Variants in CDK14 observed in about 807,000 individuals in gnomAD.
CDK14 encodes the protein cyclin dependent kinase 14, also known as cyclin-dependent kinase 14.
In CDK14, 34 loss-of-function variants were observed where a neutral mutation model predicts 60.7. That is an observed-to-expected ratio of 0.56 (90% CI 0.43 to 0.75). The LOEUF (loss-of-function observed/expected upper bound fraction) is 0.75. CDK14 is among the 30% of genes least tolerant of loss of function. The pLI is 0.00. For synonymous variants in CDK14, 197 were observed against 203.7 expected (o/e 0.97, Z 0.28); for missense variants, 482 against 564.1 (o/e 0.85, Z 1.47).
chr7:90,681,462 C>A (rs532506138), intron 2 of CDK14, among the ~76,000 whole-genome samples: 1 of 152,244 alleles, frequency 6.6e-6, no homozygotes, highest in South Asian at 2.1e-4. Context: ...TGAACGGGTC[C>A]TTTACATTCT....
intron 7 of CDK14, among the ~76,000 whole-genome samples, chr7:90,914,612 T>G (rs573100921): frequency 1.3e-5 from 2 of 152,226 alleles, no homozygotes; most frequent in Admixed American, 6.5e-5. Flanking sequence ...TAATTTGTCA[T>G]GTATACACTT....
At chr7:90,796,534 G>A (rs1237797963) in intron 5 of CDK14, among the ~76,000 whole-genome samples, 4 of 152,024 alleles carry the variant, frequency 2.6e-5, no homozygotes, top group South Asian at 2.1e-4. Flanking sequence ...GCTGTTATCC[G>A]ATATAATCTT....
At position 90,624,084 on chromosome 7, in the gene CDK14, G is replaced by A. The variant is rs745753349; in HGVS notation, c.123+19835G>A. On this transcript the variant is annotated intron_variant, in intron 2 of 14. Transcript: ENST00000380050. ...AACAAAACAGCCCTGTGAAGGAGTGGACATGTAGTTTCATCTCTGTTTTGT... is the reference window on the plus strand; with the variant it reads ...AACAAAACAGCCCTGTGAAGGAGTGAACATGTAGTTTCATCTCTGTTTTGT... 4.4e-4 allele frequency among the ~76,000 whole-genome samples: 67 copies of A among 152,166 alleles called. 1 individual carries two copies. The highest frequency in any genetic ancestry group is 8.8e-4 in the Non-Finnish European group (60 of 68,040).
chr7:90,604,470 G>T (rs1209037276), intron 2 of CDK14, among the ~76,000 whole-genome samples: 1 of 152,216 alleles, frequency 6.6e-6, no homozygotes, highest in African/African-American at 2.4e-5. Context: ...TAATAAATGA[G>T]CTAATTAGAA....
intron 9 of CDK14, among the ~76,000 whole-genome samples, chr7:90,982,657 G>A (rs753214425): frequency 1.2e-4 from 19 of 152,144 alleles, no homozygotes; most frequent in Non-Finnish European, 2.6e-4. Context: ...TATACATCAG[G>A]CTAAGGACTT....
At chr7:90,837,255 A>G (rs955303456) in intron 5 of CDK14, among the ~76,000 whole-genome samples, 4 of 152,014 alleles carry the variant, frequency 2.6e-5, no homozygotes, top group African/African-American at 4.8e-5. Context: ...ACACTTCTGC[A>G]AAATATTTTA....
chr7:91,047,561 T>C (rs1285162886), intron 11 of CDK14, among the ~76,000 whole-genome samples: 1 of 152,236 alleles, frequency 6.6e-6, no homozygotes, highest in Non-Finnish European at 1.5e-5. Context: ...ACAGACATTA[T>C]GTATGTGACT....
chr7:91,154,625 T>C (rs1415752022), intron 14 of CDK14, among the ~76,000 whole-genome samples: 3 of 152,306 alleles, frequency 2.0e-5, no homozygotes, highest in East Asian at 3.9e-4. Flanking sequence ...AAATCCTGGC[T>C]TCTCTTACTG....
At chr7:91,085,524 C>T (rs559873581) in intron 12 of CDK14, among the ~76,000 whole-genome samples, 1 of 152,282 alleles carries the variant, frequency 6.6e-6, no homozygotes, top group East Asian at 1.9e-4. Context: ...TCTCTCTGTA[C>T]AGTCCCTTTT....
intron 2 of CDK14, among the ~76,000 whole-genome samples, chr7:90,717,045 C>CA (rs1802273460): frequency 6.6e-6 from 1 of 151,996 alleles, no homozygotes; most frequent in Admixed American, 6.6e-5. Context: ...ATGCTAACTA[C>CA]ATTCTGAAAA....
chr7:90,812,552 G>C (rs911804618), intron 5 of CDK14, among the ~76,000 whole-genome samples: 3 of 152,096 alleles, frequency 2.0e-5, no homozygotes, highest in African/African-American at 7.2e-5. Flanking sequence ...CACCAGCATG[G>C]CACATGTATA....
At chr7:91,049,599 G>C (rs762047519) in intron 11 of CDK14, among the ~76,000 whole-genome samples, 1 of 152,172 alleles carries the variant, frequency 6.6e-6, no homozygotes, top group South Asian at 2.1e-4. Flanking sequence ...AGAAAAACCA[G>C]TTTGGGTTTT....
chr7:90,827,812 C>T (rs917505733), intron 5 of CDK14, among the ~76,000 whole-genome samples: 3 of 152,158 alleles, frequency 2.0e-5, no homozygotes, highest in African/African-American at 7.2e-5. Context: ...TTTAAAGCCT[C>T]CAAATGCCTT....
At chr7:90,784,535 TACA>T (rs1805486182) in intron 4 of CDK14, among the ~76,000 whole-genome samples, 1 of 152,198 alleles carries the variant, frequency 6.6e-6, no homozygotes, top group African/African-American at 2.4e-5. Context: ...TGTAAATATG[TACA>T]ACTATTATGT....
intron 14 of CDK14, among the ~76,000 whole-genome samples, chr7:91,151,664 C>T (rs1332959507): frequency 2.0e-5 from 3 of 152,126 alleles, no homozygotes; most frequent in Non-Finnish European, 4.4e-5. Context: ...ACATTTGGTT[C>T]TAAAAGGTCA....
intron 8 of CDK14, among the ~76,000 whole-genome samples, chr7:90,918,670 A>G (rs764816710): frequency 2.6e-5 from 4 of 152,228 alleles, no homozygotes; most frequent in Admixed American, 1.3e-4. Context: ...AATGGAATGA[A>G]AATATTACCC....
At chr7:90,848,228 A>C (rs911233661) in intron 5 of CDK14, among the ~76,000 whole-genome samples, 1 of 152,108 alleles carries the variant, frequency 6.6e-6, no homozygotes, top group African/African-American at 2.4e-5. Context: ...CAGCCTCCCA[A>C]ATAGCTGGGA....
chr7:90,943,251 A>G (rs1372624500), intron 8 of CDK14, among the ~76,000 whole-genome samples: 2 of 152,220 alleles, frequency 1.3e-5, no homozygotes, highest in Admixed American at 1.3e-4. Context: ...TGTTACGTAG[A>G]GATGGAGAAG....
intron 8 of CDK14, among the ~76,000 whole-genome samples, chr7:90,926,203 G>A (rs928554562): frequency 6.6e-6 from 1 of 152,230 alleles, no homozygotes; most frequent in Non-Finnish European, 1.5e-5. Context: ...GGATGTTCAG[G>A]TCGAAGTAAG....
Sources: gnomAD v4.1 joint callset for allele counts (sites outside exome capture counted in the v4.1 genomes callset) on GRCh38, gnomAD v4.1.1 for gene constraint, MANE v1.5 for transcripts, NCBI Gene and HGNC (gene_info 2026-07-23, HGNC 2026-07-21) for gene names.